Variants in CTNNA2 observed in about 807,000 individuals in gnomAD.
The protein encoded by CTNNA2 is catenin alpha 2.
A neutral mutation model predicts 101.0 loss-of-function variants in CTNNA2; 42 were observed. That is an observed-to-expected ratio of 0.42 (90% confidence interval 0.32 to 0.54). The LOEUF (loss-of-function observed/expected upper bound fraction) is 0.54. Ranked by LOEUF, CTNNA2 falls within the 20% of genes least tolerant of loss-of-function variation. The pLI is 0.14. For missense variants in CTNNA2, 871 were observed against 1,223.1 expected (o/e 0.71, Z 4.29); for synonymous variants, 450 against 456.4 (o/e 0.99, Z 0.18).
At chr2:80,402,314 T>G (rs115907654) in intron 8 of CTNNA2, among the ~76,000 whole-genome samples, 5,475 of 152,268 alleles carry the variant, frequency 0.036, 139 homozygotes, top group Middle Eastern at 0.048. Context: ...CCTTTTGAGT[T>G]TTTATGCATT....
chr2:80,600,334 A>G (rs1442330192), intron 15 of CTNNA2, among the ~76,000 whole-genome samples: 1 of 152,022 alleles, frequency 6.6e-6, no homozygotes, highest in Non-Finnish European at 1.5e-5. Context: ...TGAAAAGCAC[A>G]AACAGTAGTG....
chr2:80,603,400 C>T (rs1262554056), intron 15 of CTNNA2, among the ~76,000 whole-genome samples: 3 of 152,038 alleles, frequency 2.0e-5, no homozygotes, highest in Non-Finnish European at 4.4e-5. Flanking sequence ...TACTGTCACT[C>T]AGTGCTTTGT....
chr2:80,224,637 G>A (rs1295170913), intron 7 of CTNNA2, among the ~76,000 whole-genome samples: 1 of 151,842 alleles, frequency 6.6e-6, no homozygotes, highest in East Asian at 1.9e-4. Flanking sequence ...GTAGAGACAG[G>A]GTTTCACCAT....
chr2:80,431,384 T>G (rs866051978), intron 9 of CTNNA2, among the ~76,000 whole-genome samples: 2 of 152,184 alleles, frequency 1.3e-5, no homozygotes, highest in Non-Finnish European at 2.9e-5. Flanking sequence ...CAGATCACTT[T>G]AATCCTCTGA....
At chr2:79,923,160 A>G (rs1686790138) in intron 7 of CTNNA2, among the ~76,000 whole-genome samples, 1 of 152,160 alleles carries the variant, frequency 6.6e-6, no homozygotes, top group Non-Finnish European at 1.5e-5. Context: ...GTAGGTGTTA[A>G]TGCAGCTAAT....
intron 7 of CTNNA2, among the ~76,000 whole-genome samples, chr2:80,034,869 A>C (rs1323833442): frequency 6.6e-6 from 1 of 152,200 alleles, no homozygotes; most frequent in Non-Finnish European, 1.5e-5. Context: ...GTCTGTTTAG[A>C]AACAACTACA....
chr2:80,584,500 T>C (rs1695808393), intron 14 of CTNNA2, among the ~76,000 whole-genome samples: 1 of 151,858 alleles, frequency 6.6e-6, no homozygotes, highest in African/African-American at 2.4e-5. Flanking sequence ...TGATAAAATA[T>C]GGAGGTGATC....
At chr2:79,564,237 A>G (rs900669468) in intron 1 of CTNNA2, among the ~76,000 whole-genome samples, 2 of 151,276 alleles carry the variant, frequency 1.3e-5, no homozygotes, top group African/African-American at 4.8e-5. Context: ...GATTTTTAAA[A>G]TATATTATTT....
intron 1 of CTNNA2, among the ~76,000 whole-genome samples, chr2:79,567,368 A>G (rs1675179623): frequency 6.6e-6 from 1 of 152,070 alleles, no homozygotes; most frequent in Non-Finnish European, 1.5e-5. Flanking sequence ...AATGTATTTT[A>G]TCTATTTCTA....
intron 3 of CTNNA2, among the ~76,000 whole-genome samples, chr2:79,371,690 A>G (rs1573131669): frequency 1.3e-5 from 2 of 152,182 alleles, no homozygotes; most frequent in Non-Finnish European, 1.5e-5. Context: ...ACAGTCCCAG[A>G]TTGCCTGGAA....
At chr2:79,405,428 C>T (rs1000466585) in intron 4 of CTNNA2, among the ~76,000 whole-genome samples, 7 of 151,968 alleles carry the variant, frequency 4.6e-5, no homozygotes, top group East Asian at 1.9e-4. Context: ...TGGGTTCAAG[C>T]GATTCTCCTG....
chr2:80,130,972 A>G (rs1290375239), intron 7 of CTNNA2, among the ~76,000 whole-genome samples: 4 of 152,088 alleles, frequency 2.6e-5, no homozygotes, highest in Non-Finnish European at 5.9e-5. Flanking sequence ...ATACCAAAAA[A>G]AAAAAGAGAA....
chr2:80,095,914 C>T (rs1006843143), intron 7 of CTNNA2, among the ~76,000 whole-genome samples: 5 of 152,112 alleles, frequency 3.3e-5, no homozygotes, highest in Non-Finnish European at 4.4e-5. Flanking sequence ...ATTAGTCTTG[C>T]TAGCGATCTA....
At chr2:80,190,615 G>A (rs764078835) in intron 7 of CTNNA2, among the ~76,000 whole-genome samples, 11 of 152,112 alleles carry the variant, frequency 7.2e-5, no homozygotes, top group Non-Finnish European at 1.6e-4. Flanking sequence ...GCCATACAGG[G>A]TTATTCTAAG....
intron 7 of CTNNA2, among the ~76,000 whole-genome samples, chr2:80,364,555 AATTTT>A (rs1674724275): frequency 9.0e-6 from 1 of 110,982 alleles, no homozygotes; most frequent in African/African-American, 3.9e-5. Context: ...GAGAGAAAGT[AATTTT>A]TTTTTTTTTT....
chr2:79,239,044 G>A (rs1026515376), intron 2 of CTNNA2, among the ~76,000 whole-genome samples: 2 of 152,100 alleles, frequency 1.3e-5, no homozygotes, highest in Non-Finnish European at 2.9e-5. Flanking sequence ...GTGGTTTGCT[G>A]CACCTATCAA....
At chr2:80,053,875 G>T (rs1191109176) in intron 7 of CTNNA2, among the ~76,000 whole-genome samples, 6 of 152,164 alleles carry the variant, frequency 3.9e-5, no homozygotes, top group Non-Finnish European at 2.9e-5. Flanking sequence ...TTTGTATGTA[G>T]ATATGAAAGC....
intron 4 of CTNNA2, among the ~76,000 whole-genome samples, chr2:79,416,090 C>T (rs1043445457): frequency 3.9e-5 from 6 of 152,148 alleles, no homozygotes; most frequent in South Asian, 4.1e-4. Context: ...AGCAACTCTC[C>T]TAGATTATTT....
intron 1 of CTNNA2, among the ~76,000 whole-genome samples, chr2:79,614,745 A>G (rs952467314): frequency 2.0e-5 from 3 of 152,166 alleles, no homozygotes; most frequent in Admixed American, 6.5e-5. Flanking sequence ...TATTTTCTGT[A>G]GAAAAAATAG....
Sources: gnomAD v4.1 joint callset for allele counts (sites outside exome capture counted in the v4.1 genomes callset) on GRCh38, gnomAD v4.1.1 for gene constraint, MANE v1.5 for transcripts, NCBI Gene and HGNC (gene_info 2026-07-23, HGNC 2026-07-21) for gene names.